Variants in RNASEH2A observed in about 807,000 individuals in gnomAD.
The protein encoded by RNASEH2A is RNase H(35).
A neutral mutation model predicts 32.7 loss-of-function variants in RNASEH2A; 30 were observed. The ratio of observed to expected loss-of-function variants is 0.92; its 90% CI spans 0.69 to 1.25. The LOEUF (loss-of-function observed/expected upper bound fraction) is 1.25. Among genes scored for constraint, RNASEH2A ranks in the 50% most tolerant of loss-of-function variants. The probability of loss-of-function intolerance (pLI) is 0.00; values close to 1 mark genes in which losing one functional copy is unlikely to be tolerated. For synonymous variants in RNASEH2A, 147 were observed against 165.4 expected, an observed-to-expected ratio of 0.89 and a Z score of 0.86; for missense variants, 409 against 398.1, an observed-to-expected ratio of 1.03 and a Z score of -0.23.
rs781284373 is a variant in RNASEH2A at position 12,810,354 on chromosome 19, TG to T, written c.589del (p.Glu197ArgfsTer24). On this transcript the variant is annotated frameshift_variant, in exon 6 of 8. Transcript: ENST00000221486. LOFTEE classifies it high-confidence loss of function. The stretch of plus-strand genomic sequence containing the variant: ...CAGGCCGTGAAGAAATGGCAGTTCG[TG>T]GAGAAACTGCAGGACTTGGATACTG... ...RDQAVKKWQF[V>X]EKLQDLDTDY... The T allele has an allele frequency of 3.6e-5, 58 of 1,614,052 alleles. No homozygotes were observed. The highest frequency in any genetic ancestry group is 1.6e-5 in the Non-Finnish European group (19 of 1,180,044).
Position 12,807,270 on chromosome 19 carries a change from T to C in RNASEH2A, c.264T>C (p.Phe88=). The change falls in exon 3 of 8, where the codon TTT becomes TTC. Residue 88 remains phenylalanine (F), a synonymous_variant. Coordinates refer to ENST00000221486, the MANE Select transcript of RNASEH2A (RefSeq NM_006397.3). ...TTGCGAAAATGGAGGACACGGACTT[T>C]GTCGGCTGGGCGCTGGATGTGCTGT... ...RLFAKMEDTD[F]VGWALDVLSP... The C allele has an allele frequency of 6.2e-7, 1 of 1,614,156 alleles. No individual in the cohort carries two copies. The highest frequency in any genetic ancestry group is 8.5e-7 in the Non-Finnish European group (1 of 1,180,030).
chr19:12,807,792 C>T (rs912670339), intron 4 of RNASEH2A: 2 of 404,544 alleles, frequency 4.9e-6, no homozygotes, highest in Non-Finnish European at 9.4e-6. Context: ...ATTAGCTGGA[C>T]GTGGTGGCAG....
In RNASEH2A at chr19:12,811,917, AAAT is replaced by A. The variant is rs60819630; in HGVS notation, c.638-1140_638-1138del. On this transcript the variant is annotated intron_variant, in intron 6 of 7. Transcript: ENST00000221486. ...GGGAAATGAGCAAAATTCCATCTCA[AAAT>A]AATAATAATAATAATAATAATAATA... Among the ~76,000 whole-genome samples, 132 of 148,246 alleles carry A rather than the reference AAAT, an allele frequency of 8.9e-4. 1 individual carries two copies. Among genetic ancestry groups the A allele is most frequent in the South Asian group, 6.4e-4 (3 of 4,672 alleles).
chr19:12,807,005 C>A lies in RNASEH2A; in HGVS notation c.128-3C>A. ...CCAGAAAACTGACACCCCTTCTCCC[C>A]AGGCCCCATGGTCTACGCCATCTGT... is the stretch of plus-strand genomic sequence containing the variant. On this transcript the variant is annotated splice_region_variant and splice_polypyrimidine_tract_variant and intron_variant, in intron 1 of 7. Transcript: ENST00000221486. 6.2e-7 allele frequency: 1 copy of A among 1,613,716 alleles called. No homozygotes were observed. Among genetic ancestry groups the A allele is most frequent in the Non-Finnish European group, 8.5e-7 (1 of 1,179,980 alleles).
chr19:12,812,047 G>C (rs1006608791), intron 6 of RNASEH2A, among the ~76,000 whole-genome samples: 1 of 152,036 alleles, frequency 6.6e-6, no homozygotes, highest in East Asian at 1.9e-4. Context: ...CAACCAGCCT[G>C]GGCAATATGA....
intron 7 of RNASEH2A, 57 bp from the exon 8 acceptor site, chr19:12,813,271 T>C (rs1969100528): frequency 3.7e-6 from 6 of 1,613,948 alleles, no homozygotes; most frequent in South Asian, 2.2e-5. Flanking sequence ...CGTTCAGCCC[T>C]GCCTGAGAGG....
chr19:12,810,791 A>T (rs1599535727), intron 6 of RNASEH2A, among the ~76,000 whole-genome samples: 1 of 151,908 alleles, frequency 6.6e-6, no homozygotes, highest in Non-Finnish European at 1.5e-5. Context: ...CAGCCTCCCA[A>T]AGTGCTGGGA....
At chr19:12,807,618 T>G in intron 4 of RNASEH2A, 112 bp downstream of exon 4, 2 of 950,750 alleles carry the variant, frequency 2.1e-6, no homozygotes, top group Non-Finnish European at 3.3e-6. Flanking sequence ...CCATCCTGGG[T>G]GACAAAGGAA....
At position 12,810,824 on chromosome 19, in the gene RNASEH2A, C is replaced by T. The variant is rs536372002; in HGVS notation, c.637+420C>T. Among the ~76,000 whole-genome samples the T allele has an allele frequency of 4.6e-5, 7 of 152,202 alleles. No homozygotes were observed. In the South Asian group the frequency reaches 1.5e-3, roughly 32 times the overall value. ...GGATTACAGGCATGAGCCACCGTGC[C>T]CAGCCTATTTTTTGTTTTTATAGAG... On this transcript the variant is annotated intron_variant, in intron 6 of 7. Transcript: ENST00000221486.
intron 6 of RNASEH2A, among the ~76,000 whole-genome samples, chr19:12,812,688 A>G (rs974835239): frequency 6.6e-6 from 1 of 151,946 alleles, no homozygotes; most frequent in African/African-American, 2.4e-5. Flanking sequence ...GAGGTGCCCC[A>G]GGTACTCAGG....
intron 4 of RNASEH2A, among the ~76,000 whole-genome samples, chr19:12,808,153 G>A (rs575767204): frequency 2.8e-4 from 42 of 152,164 alleles, no homozygotes; most frequent in African/African-American, 8.4e-4. Context: ...TGGTGAGGCC[G>A]AGGCAGAAGA....
At position 12,810,156 on chromosome 19, in the gene RNASEH2A, C is replaced by A. The variant is rs769385042; in HGVS notation, c.497C>A (p.Ala166Asp). The A allele has an allele frequency of 6.2e-7, 1 of 1,614,220 alleles. No individual in the cohort carries two copies. The highest frequency in any genetic ancestry group is 2.2e-5 in the East Asian group (1 of 44,888). ...CCCGGGATTGAGGTGACGGTCAAGG[C>A]CAAAGCAGATGCCCTCTACCCGGTG... ...SFPGIEVTVK[A>D]KADALYPVVS... The change falls in exon 5 of 8, where the codon GCC becomes GAC. Residue 166 changes from alanine (A) to aspartate (D), a missense_variant. Transcript: ENST00000221486.
At chr19:12,808,706 G>C (rs1456086147) in intron 4 of RNASEH2A, among the ~76,000 whole-genome samples, 1 of 152,182 alleles carries the variant, frequency 6.6e-6, no homozygotes, top group Non-Finnish European at 1.5e-5. Flanking sequence ...TAAATTACCA[G>C]AGAAAAACAT....
chr19:12,807,166 A>G (rs772329859), intron 2 of RNASEH2A, 40 bp from the exon 3 acceptor site: 1 of 1,614,126 alleles, frequency 6.2e-7, no homozygotes, highest in East Asian at 2.2e-5. Flanking sequence ...AGGAACTGGG[A>G]GAACCAGCTG....
chr19:12,811,658 C>T (rs941668495), intron 6 of RNASEH2A, among the ~76,000 whole-genome samples: 2 of 151,826 alleles, frequency 1.3e-5, no homozygotes, highest in African/African-American at 4.8e-5. Context: ...TGGCTCACAC[C>T]TGTAATCCCA....
intron 4 of RNASEH2A, among the ~76,000 whole-genome samples, chr19:12,808,561 C>T (rs1400331335): frequency 6.6e-6 from 1 of 152,116 alleles, no homozygotes; most frequent in Non-Finnish European, 1.5e-5. Context: ...CCCTCACCCT[C>T]CTATCCCCTC....
At chr19:12,810,970 T>A (rs924858595) in intron 6 of RNASEH2A, among the ~76,000 whole-genome samples, 1 of 152,070 alleles carries the variant, frequency 6.6e-6, no homozygotes, top group Admixed American at 6.6e-5. Flanking sequence ...GCCCTTTTTT[T>A]CTTCTTTTTT....
At chr19:12,812,449 T>G (rs552274844) in intron 6 of RNASEH2A, among the ~76,000 whole-genome samples, 24 of 152,134 alleles carry the variant, frequency 1.6e-4, no homozygotes, top group Non-Finnish European at 3.2e-4. Context: ...GGAGAATCGC[T>G]TGAACCTGGG....
In RNASEH2A at chr19:12,806,602, C is replaced by G; in HGVS notation, c.-72C>G. On this transcript the variant is annotated 5_prime_UTR_variant, in exon 1 of 8. Transcript: ENST00000221486. Reference sequence around the variant, plus strand: ...CGGAAGCAGGCGCCGCTTCGAGGCCCGCGGAAAACGCGCGCCGAGACCCGC... The same window carrying G: ...CGGAAGCAGGCGCCGCTTCGAGGCCGGCGGAAAACGCGCGCCGAGACCCGC... 2 of 1,547,450 alleles carry G rather than the reference C, an allele frequency of 1.3e-6. No homozygotes were observed. Among genetic ancestry groups the G allele is most frequent in the South Asian group, 2.4e-5 (2 of 83,966 alleles).
Sources: allele counts gnomAD v4.1 joint callset (sites outside exome capture counted in the v4.1 genomes callset), GRCh38; gene constraint gnomAD v4.1.1; transcripts MANE v1.5; gene names NCBI Gene and HGNC (gene_info 2026-07-23, HGNC 2026-07-21).